The following CTNNA2 variants were observed in gnomAD, a reference collection of about 807,000 sequenced individuals.
CTNNA2 encodes catenin alpha-2.
A neutral mutation model predicts 101.0 loss-of-function variants in CTNNA2; 42 were observed. The ratio of observed to expected loss-of-function variants is 0.42; its 90% CI spans 0.32 to 0.54. CTNNA2 has a LOEUF of 0.54. Among genes scored for constraint, CTNNA2 ranks in the 20% least tolerant of loss-of-function variants. The pLI, the probability that CTNNA2 is intolerant of heterozygous loss-of-function variation, is 0.14. For synonymous variants in CTNNA2, 450 were observed against 456.4 expected (o/e 0.99, Z 0.18); for missense variants, 871 against 1,223.1 (o/e 0.71, Z 4.29).
chr2:80,135,353 A>G (rs1050673123), intron 7 of CTNNA2, among the ~76,000 whole-genome samples: 3 of 152,208 alleles, frequency 2.0e-5, no homozygotes, highest in African/African-American at 7.2e-5. Context: ...CATGGGGAGC[A>G]ATCTAGAGAC....
chr2:79,861,567 A>G (rs1681628129), intron 4 of CTNNA2, among the ~76,000 whole-genome samples: 1 of 152,198 alleles, frequency 6.6e-6, no homozygotes, highest in Non-Finnish European at 1.5e-5. Context: ...ACTTAAATTT[A>G]TATGGCAACT....
chr2:79,376,834 C>T (rs1016568752), intron 4 of CTNNA2, among the ~76,000 whole-genome samples: 3 of 152,126 alleles, frequency 2.0e-5, no homozygotes, highest in South Asian at 4.1e-4. Context: ...TTTATGGCTG[C>T]ATAGTATTCC....
At chr2:80,058,493 C>T (rs1179587097) in intron 7 of CTNNA2, among the ~76,000 whole-genome samples, 1 of 152,070 alleles carries the variant, frequency 6.6e-6, no homozygotes, top group African/African-American at 2.4e-5. Flanking sequence ...CAAACAGTGA[C>T]GTGAGAAGGA....
At chr2:79,454,831 A>G (rs57339786) in intron 4 of CTNNA2, among the ~76,000 whole-genome samples, 1 of 152,184 alleles carries the variant, frequency 6.6e-6, no homozygotes, top group Non-Finnish European at 1.5e-5. Context: ...ATAAAACATT[A>G]CTGCAAATTA....
At chr2:79,849,685 C>T (rs1473631300) in intron 3 of CTNNA2, among the ~76,000 whole-genome samples, 3 of 152,186 alleles carry the variant, frequency 2.0e-5, no homozygotes, top group Admixed American at 2.0e-4. Flanking sequence ...AAAGGAGTTG[C>T]TCCTTTCACT....
chr2:79,798,583 A>G (rs1186579430), intron 3 of CTNNA2, among the ~76,000 whole-genome samples: 1 of 102,926 alleles, frequency 9.7e-6, no homozygotes, highest in African/African-American at 5.5e-5. Context: ...TTTTTTTTTT[A>G]CAAAAATACT....
intron 7 of CTNNA2, among the ~76,000 whole-genome samples, chr2:80,342,589 CA>C (rs1253261826): frequency 1.3e-5 from 2 of 152,082 alleles, no homozygotes; most frequent in Non-Finnish European, 2.9e-5. Context: ...TCTTTCCAGG[CA>C]AATAAAATGT....
intron 12 of CTNNA2, chr2:80,572,872 A>C (rs977677991): frequency 1.3e-5 from 2 of 152,206 alleles, no homozygotes; most frequent in African/African-American, 2.4e-5. Flanking sequence ...GGTAATTTCT[A>C]CTAAAGTGTG....
At chr2:79,761,968 A>G (rs1672816391) in intron 3 of CTNNA2, among the ~76,000 whole-genome samples, 1 of 152,206 alleles carries the variant, frequency 6.6e-6, no homozygotes, top group Admixed American at 6.5e-5. Flanking sequence ...CTGAATAACA[A>G]GCACTTGCTC....
intron 7 of CTNNA2, among the ~76,000 whole-genome samples, chr2:79,942,365 T>G (rs1053419549): frequency 6.6e-6 from 1 of 152,208 alleles, no homozygotes; most frequent in Non-Finnish European, 1.5e-5. Flanking sequence ...CAGACCAGTA[T>G]ATGGCTGCCC....
At chr2:79,481,357 C>T (rs989628362) in intron 4 of CTNNA2, among the ~76,000 whole-genome samples, 2 of 152,116 alleles carry the variant, frequency 1.3e-5, no homozygotes, top group Non-Finnish European at 2.9e-5. Context: ...GCCCCTCTGT[C>T]TCCTACTTTC....
intron 9 of CTNNA2, among the ~76,000 whole-genome samples, chr2:80,526,293 G>A (rs182386605): frequency 1.1e-4 from 16 of 152,198 alleles, no homozygotes; most frequent in Admixed American, 7.2e-4. Flanking sequence ...TCCGCCTCCC[G>A]GGTTCAAGGG....
intron 3 of CTNNA2, among the ~76,000 whole-genome samples, chr2:79,850,926 A>T (rs995060317): frequency 1.3e-5 from 2 of 152,134 alleles, no homozygotes; most frequent in Non-Finnish European, 2.9e-5. Flanking sequence ...TGAGATCCTA[A>T]AGTGGAAGGA....
intron 17 of CTNNA2, among the ~76,000 whole-genome samples, chr2:80,617,685 G>C (rs1180583338): frequency 6.6e-6 from 1 of 151,682 alleles, no homozygotes; most frequent in African/African-American, 2.4e-5. Context: ...TTTGAATTTA[G>C]TAGCTTCTGT....
chr2:79,485,015 A>AT (rs1483584071), intron 4 of CTNNA2, among the ~76,000 whole-genome samples: 1 of 152,224 alleles, frequency 6.6e-6, no homozygotes, highest in African/African-American at 2.4e-5. Context: ...AGAGCTAGAA[A>AT]TAAAACAGAT....
At chr2:80,196,860 G>T (rs1706867527) in intron 7 of CTNNA2, among the ~76,000 whole-genome samples, 1 of 152,196 alleles carries the variant, frequency 6.6e-6, no homozygotes, top group African/African-American at 2.4e-5. Flanking sequence ...TGGCTTTCCA[G>T]TGCATTAAAC....
chr2:80,504,419 C>A (rs1419363496), intron 9 of CTNNA2, among the ~76,000 whole-genome samples: 7 of 152,214 alleles, frequency 4.6e-5, no homozygotes, highest in South Asian at 2.1e-4. Context: ...TTTTGCTTGA[C>A]CAAAGTAAAT....
chr2:79,351,980 T>C (rs998244712), intron 3 of CTNNA2, among the ~76,000 whole-genome samples: 15 of 152,166 alleles, frequency 9.9e-5, no homozygotes, highest in African/African-American at 3.6e-4. Context: ...CAACTCTCAG[T>C]TCTTTGAGAA....
chr2:79,380,961 AT>A (rs1678032031), intron 4 of CTNNA2, among the ~76,000 whole-genome samples: 2 of 152,218 alleles, frequency 1.3e-5, no homozygotes, highest in African/African-American at 2.4e-5. Flanking sequence ...TGGTACAGGG[AT>A]CAGGCAAAAT....
Sources: allele counts gnomAD v4.1 joint callset (sites outside exome capture counted in the v4.1 genomes callset), GRCh38; gene constraint gnomAD v4.1.1; transcripts MANE v1.5; gene names NCBI Gene and HGNC (gene_info 2026-07-23, HGNC 2026-07-21).